Variants in COL21A1 observed in about 807,000 individuals in gnomAD.
The protein encoded by COL21A1 is collagen alpha-1(XXI) chain.
A neutral mutation model predicts 137.9 loss-of-function variants in COL21A1; 149 were observed. That is an observed-to-expected ratio of 1.08 (90% confidence interval 0.95 to 1.24). COL21A1 has a LOEUF of 1.24. Ranked by LOEUF, COL21A1 falls within the 50% of genes most tolerant of loss-of-function variation. The pLI is 0.00. For synonymous variants in COL21A1, 456 were observed against 391.5 expected, an observed-to-expected ratio of 1.16 and a Z score of -1.95; for missense variants, 1,167 against 1,158.4, an observed-to-expected ratio of 1.01 and a Z score of -0.11.
intron 1 of COL21A1, among the ~76,000 whole-genome samples, chr6:56,246,420 G>T (rs748013972): frequency 6.6e-6 from 1 of 151,746 alleles, no homozygotes; most frequent in South Asian, 2.1e-4. Flanking sequence ...AAAATTATTC[G>T]ATGATGCTTA....
At position 56,327,127 on chromosome 6, in the gene COL21A1, A is replaced by G. The variant is rs368173283; in HGVS notation, c.-39+66844T>C. ...TTTGATTTGGTCCTTTTGTGCAACT[A>G]TTAATATTATATATTGTCAAATGCT... is the stretch of plus-strand genomic sequence containing the variant. On this transcript the variant is annotated intron_variant, in intron 1 of 28. Transcript: ENST00000370819. Among the ~76,000 whole-genome samples the G allele has an allele frequency of 1.0e-4, 14 of 138,724 alleles. No homozygotes were observed. In the East Asian group the frequency reaches 3.0e-3, roughly 30 times the overall value. 91.0% of individuals were successfully genotyped at this position (138,724 alleles called of 152,430 possible).
chr6:56,138,512 G>A (rs1774169996), intron 12 of COL21A1, among the ~76,000 whole-genome samples: 1 of 151,910 alleles, frequency 6.6e-6, no homozygotes, highest in African/African-American at 2.4e-5. Flanking sequence ...GTGGCAGCAA[G>A]GAGAAATCTA....
At chr6:56,238,281 C>T (rs1414696353) in intron 1 of COL21A1, among the ~76,000 whole-genome samples, 1 of 151,952 alleles carries the variant, frequency 6.6e-6, no homozygotes, top group East Asian at 1.9e-4. Flanking sequence ...ATCCCTAGCA[C>T]CTCATCTACT....
chr6:56,075,738 G>A (rs1767173628), intron 18 of COL21A1, among the ~76,000 whole-genome samples: 1 of 151,338 alleles, frequency 6.6e-6, no homozygotes, highest in Non-Finnish European at 1.5e-5. Context: ...TTTTTATTAT[G>A]ACATTTGTAG....
intron 16 of COL21A1, among the ~76,000 whole-genome samples, chr6:56,123,844 T>TA (rs1419110634): frequency 6.6e-6 from 1 of 152,188 alleles, no homozygotes; most frequent in East Asian, 1.9e-4. Context: ...TTCAACCTTG[T>TA]AATATCCTAT....
chr6:56,290,939 C>T (rs1338247797), intron 1 of COL21A1, among the ~76,000 whole-genome samples: 3 of 152,076 alleles, frequency 2.0e-5, no homozygotes, highest in South Asian at 4.2e-4. Flanking sequence ...AGCCAAATAT[C>T]GAGAACCACT....
At chr6:56,270,250 C>T (rs1186865330) in intron 1 of COL21A1, among the ~76,000 whole-genome samples, 4 of 152,248 alleles carry the variant, frequency 2.6e-5, no homozygotes, top group Middle Eastern at 3.4e-3. Context: ...AAAACAAAAA[C>T]GGAGCAGAGA....
intron 20 of COL21A1, among the ~76,000 whole-genome samples, chr6:56,072,486 C>T (rs1316686143): frequency 6.6e-6 from 1 of 151,336 alleles, no homozygotes; most frequent in Non-Finnish European, 1.5e-5. Context: ...TTTGTCTCAC[C>T]CTAGAACTTC....
chr6:56,064,712 C>A, intron 23 of COL21A1, 90 bp from the exon 24 acceptor site: 1 of 718,736 alleles, frequency 1.4e-6, no homozygotes, highest in South Asian at 2.3e-5. Context: ...CCTTGAGTTC[C>A]AGAAGAAACG....
chr6:56,340,065 C>T (rs890564681), intron 1 of COL21A1, among the ~76,000 whole-genome samples: 22 of 151,206 alleles, frequency 1.5e-4, no homozygotes, highest in Non-Finnish European at 2.8e-4. Context: ...GGAAAAAAAA[C>T]GCCATCTCAG....
At chr6:56,314,575 A>G (rs1235321100) in intron 1 of COL21A1, among the ~76,000 whole-genome samples, 1 of 152,102 alleles carries the variant, frequency 6.6e-6, no homozygotes, top group East Asian at 1.9e-4. Context: ...TTTTTTCCTC[A>G]ACTTCAAAGT....
intron 1 of COL21A1, among the ~76,000 whole-genome samples, chr6:56,287,455 T>C (rs1763943030): frequency 6.6e-6 from 1 of 152,162 alleles, no homozygotes; most frequent in Non-Finnish European, 1.5e-5. Context: ...GACTTTCCCC[T>C]TGCTGTTCTC....
intron 1 of COL21A1, among the ~76,000 whole-genome samples, chr6:56,190,318 C>T (rs1388502650): frequency 9.2e-5 from 14 of 152,274 alleles, no homozygotes; most frequent in Admixed American, 5.9e-4. Context: ...AACATGTCTA[C>T]GCAAATAAAC....
chr6:56,097,695 G>C (rs1264215300), intron 17 of COL21A1, among the ~76,000 whole-genome samples: 8 of 142,868 alleles, frequency 5.6e-5, no homozygotes. Flanking sequence ...ATAAAACTGA[G>C]AAACAAGCAG....
At chr6:56,303,994 C>G in intron 1 of COL21A1, among the ~76,000 whole-genome samples, 1 of 151,954 alleles carries the variant, frequency 6.6e-6, no homozygotes, top group East Asian at 1.9e-4. Context: ...GAGAATCATG[C>G]GGTTTTTGTC....
chr6:56,088,988 G>T (rs372117646), intron 17 of COL21A1, among the ~76,000 whole-genome samples: 20 of 152,088 alleles, frequency 1.3e-4, no homozygotes, highest in African/African-American at 4.8e-4. Flanking sequence ...GTTTTGCGAT[G>T]CTACCCAGGC....
intron 1 of COL21A1, among the ~76,000 whole-genome samples, chr6:56,208,291 C>G (rs1779926173): frequency 1.3e-5 from 2 of 152,172 alleles, no homozygotes; most frequent in South Asian, 2.1e-4. Context: ...TTGTCTCAGC[C>G]CAAAATCTCC....
At chr6:56,262,822 C>T (rs1469665664) in intron 1 of COL21A1, among the ~76,000 whole-genome samples, 3 of 152,052 alleles carry the variant, frequency 2.0e-5, no homozygotes, top group Non-Finnish European at 2.9e-5. Flanking sequence ...TCTGTAGCAG[C>T]ATCAGCAGCC....
intron 1 of COL21A1, among the ~76,000 whole-genome samples, chr6:56,327,673 A>T (rs554853854): frequency 2.0e-4 from 31 of 152,174 alleles, no homozygotes; most frequent in Middle Eastern, 3.4e-3. Flanking sequence ...CCCAGTTTGG[A>T]ATCGTGGCTG....
Sources: gnomAD v4.1 joint callset for allele counts (sites outside exome capture counted in the v4.1 genomes callset) on GRCh38, gnomAD v4.1.1 for gene constraint, MANE v1.5 for transcripts, NCBI Gene and HGNC (gene_info 2026-07-23, HGNC 2026-07-21) for gene names.